Variants in ITPR1 observed in about 807,000 individuals in gnomAD.
ITPR1 encodes the protein inositol 1,4,5-trisphosphate receptor type 1.
Under a neutral mutation model 318.4 loss-of-function variants are expected in ITPR1, and 96 were observed. The observed-to-expected ratio is 0.30, with a 90% CI of 0.26 to 0.36. The LOEUF is 0.36. Ranked by LOEUF, ITPR1 falls within the 10% of genes least tolerant of loss-of-function variation. The probability of loss-of-function intolerance (pLI) is 1.00; values close to 1 mark genes in which losing one functional copy is unlikely to be tolerated. For missense variants in ITPR1, 2,440 were observed against 3,460.2 expected (o/e 0.71, Z 7.40); for synonymous variants, 1,312 against 1,289.9 (o/e 1.02, Z -0.37).
intron 44 of ITPR1, among the ~76,000 whole-genome samples, chr3:4,758,446 C>T (rs1045721346): frequency 2.6e-5 from 4 of 152,208 alleles, no homozygotes; most frequent in Admixed American, 2.6e-4. Flanking sequence ...GGGCTCCTCC[C>T]CTAGAATGGT....
At chr3:4,513,236 G>C (rs2081963045) in intron 2 of ITPR1, among the ~76,000 whole-genome samples, 1 of 152,192 alleles carries the variant, frequency 6.6e-6, no homozygotes, top group African/African-American at 2.4e-5. Flanking sequence ...ACAGAGGCCT[G>C]TTCTGTTGAC....
At chr3:4,542,880 C>G (rs901832559) in intron 4 of ITPR1, among the ~76,000 whole-genome samples, 4 of 152,218 alleles carry the variant, frequency 2.6e-5, no homozygotes, top group Non-Finnish European at 5.9e-5. Context: ...GCGGGCTTCT[C>G]TGGATTCCCT....
chr3:4,773,282 G>A (rs1263428195), intron 46 of ITPR1, among the ~76,000 whole-genome samples: 1 of 152,228 alleles, frequency 6.6e-6, no homozygotes, highest in Non-Finnish European at 1.5e-5. Context: ...ATTGCCTGGT[G>A]GGAGCCTGGA....
rs192604839 is a variant in ITPR1 at position 4,620,864 on chromosome 3, A to G, written c.164-6899A>G. 3.0e-3 allele frequency among the ~76,000 whole-genome samples: 463 copies of G among 152,124 alleles called. 3 individuals are homozygous for G. The highest frequency in any genetic ancestry group is 0.011 in the African/African-American group (440 of 41,488). On this transcript the variant is annotated intron_variant, in intron 4 of 61. Transcript: ENST00000649015. ...GATGTATAGCTACAGTGGATTTGTG[A>G]TACTGACTTCCTCAACTTTCCTCCT...
intron 34 of ITPR1, among the ~76,000 whole-genome samples, 180 bp from the exon 35 acceptor site, chr3:4,699,633 T>C (rs1002368897): frequency 3.3e-5 from 5 of 152,262 alleles, no homozygotes; most frequent in Non-Finnish European, 7.3e-5. Context: ...TCCAAGCTGA[T>C]CTGCTTCTCT....
chr3:4,638,898 C>G (rs943220574), intron 5 of ITPR1, among the ~76,000 whole-genome samples: 1 of 152,054 alleles, frequency 6.6e-6, no homozygotes, highest in African/African-American at 2.4e-5. Context: ...GTGCAGGTAC[C>G]ATCTGATCCT....
At chr3:4,519,932 C>CG (rs1293243537) in intron 3 of ITPR1, among the ~76,000 whole-genome samples, 1 of 151,806 alleles carries the variant, frequency 6.6e-6, no homozygotes, top group Admixed American at 6.6e-5. Flanking sequence ...GAAGCTTGGT[C>CG]GGGGGGGCTT....
chr3:4,757,007 G>C (rs569365366), intron 44 of ITPR1, among the ~76,000 whole-genome samples: 1 of 152,228 alleles, frequency 6.6e-6, no homozygotes, highest in Non-Finnish European at 1.5e-5. Flanking sequence ...TCCATGTGAT[G>C]CTGACATGGC....
At chr3:4,726,615 T>C (rs1035085351) in intron 41 of ITPR1, among the ~76,000 whole-genome samples, 42 of 152,374 alleles carry the variant, frequency 2.8e-4, no homozygotes, top group African/African-American at 1.0e-3. Flanking sequence ...CAGTGTTTAA[T>C]ATCCTAATCA....
At chr3:4,763,889 G>C (rs1031939148) in intron 44 of ITPR1, among the ~76,000 whole-genome samples, 1 of 152,268 alleles carries the variant, frequency 6.6e-6, no homozygotes, top group Non-Finnish European at 1.5e-5. Flanking sequence ...TCAGATAACA[G>C]ATGGCGGGCT....
intron 4 of ITPR1, among the ~76,000 whole-genome samples, chr3:4,535,816 T>A (rs304053): frequency 6.6e-6 from 1 of 151,916 alleles, no homozygotes; most frequent in Non-Finnish European, 1.5e-5. Context: ...TTCCTTTGAA[T>A]GCCTAATGTG....
chr3:4,775,482 C>A, intron 47 of ITPR1, 40 bp downstream of exon 47: 1 of 1,499,368 alleles, frequency 6.7e-7, no homozygotes, highest in Non-Finnish European at 9.3e-7. Context: ...AAAAAAGTGT[C>A]CCATTTTGGA....
rs2041908249 is a variant in ITPR1, at chr3:4,718,175, T to A, written c.5136+776T>A. Among the ~76,000 whole-genome samples, 3 of 152,362 alleles carry A rather than the reference T, an allele frequency of 2.0e-5. 1 individual carries two copies. Among genetic ancestry groups the A allele is most frequent in the Non-Finnish European group, 4.4e-5 (3 of 68,034 alleles). On this transcript the variant is annotated intron_variant, in intron 40 of 61. Transcript: ENST00000649015. The stretch of plus-strand genomic sequence containing the variant: ...TATTCCTTGCTGTATTTTTAGGTTG[T>A]GACACATGCTAGGTAAATGCTACCA...
chr3:4,617,829 G>GAA (rs2092446115), intron 4 of ITPR1, among the ~76,000 whole-genome samples: 1 of 101,952 alleles, frequency 9.8e-6, no homozygotes, highest in African/African-American at 4.2e-5. Flanking sequence ...ATTAAAAAAT[G>GAA]CAAAAAAAAA....
At chr3:4,723,012 G>A in intron 40 of ITPR1, among the ~76,000 whole-genome samples, 1 of 152,174 alleles carries the variant, frequency 6.6e-6, no homozygotes, top group East Asian at 1.9e-4. Flanking sequence ...GCTGGGTGTG[G>A]TGGTGCATGC....
At chr3:4,743,317 C>A (rs1235796793) in intron 44 of ITPR1, among the ~76,000 whole-genome samples, 1 of 152,220 alleles carries the variant, frequency 6.6e-6, no homozygotes, top group African/African-American at 2.4e-5. Context: ...GGAGGAAGCT[C>A]AAAATTCAAA....
chr3:4,736,345 TA>T (rs1190702155), intron 44 of ITPR1, among the ~76,000 whole-genome samples: 2 of 152,260 alleles, frequency 1.3e-5, no homozygotes, highest in African/African-American at 4.8e-5. Flanking sequence ...TGCAACTTTG[TA>T]AAGGGCGTTT....
chr3:4,830,907 A>G (rs1359253956), intron 60 of ITPR1: 2 of 456,200 alleles, frequency 4.4e-6, no homozygotes, highest in African/African-American at 4.0e-5. Flanking sequence ...AGATTCCACA[A>G]AAATGTTCCA....
chr3:4,699,088 C>T (rs1292845334), intron 34 of ITPR1, among the ~76,000 whole-genome samples: 1 of 151,948 alleles, frequency 6.6e-6, no homozygotes, highest in Admixed American at 6.6e-5. Flanking sequence ...GTGGCTCACA[C>T]CTGTAATCCC....
Sources: gnomAD v4.1 joint callset for allele counts (sites outside exome capture counted in the v4.1 genomes callset) on GRCh38, gnomAD v4.1.1 for gene constraint, MANE v1.5 for transcripts, NCBI Gene and HGNC (gene_info 2026-07-23, HGNC 2026-07-21) for gene names.